Variants in MUC6 observed in about 807,000 individuals in gnomAD.
The protein encoded by MUC6 is mucin 6, oligomeric mucus/gel-forming (gene/pseudogene).
MUC6 carries 188 observed loss-of-function variants against 201.5 expected under a neutral mutation model. The observed-to-expected ratio is 0.93, with a 90% CI of 0.83 to 1.05. MUC6 has a LOEUF of 1.05. Among genes scored for constraint, MUC6 ranks in the 50% least tolerant of loss-of-function variants. The pLI, the probability that MUC6 is intolerant of heterozygous loss-of-function variation, is 0.00. For missense variants in MUC6, 2,706 were observed against 3,256.9 expected (o/e 0.83, Z 4.12); for synonymous variants, 1,228 against 1,389.4 (o/e 0.88, Z 2.58).
At position 1,018,764 on chromosome 11, in the gene MUC6, G is replaced by C; in HGVS notation, c.4037C>G (p.Ser1346Trp). Reference protein sequence around the residue: ...TSGTSPTLPKSTNQELPGTTA... With the variant: ...TSGTSPTLPKWTNQELPGTTA... ...TGTTCCTGGCAGTTCCTGATTGGTC[G>C]ATTTTGCTGTGGGAATTGGTGAAGT... The change falls in exon 31 of 33, where the codon TCG (serine) becomes TGG (tryptophan). Residue 1346 changes from serine (S) to tryptophan (W), a missense_variant. Physicochemically the swap from Ser to Trp is radical, Grantham distance 177. This residue lies in a region of MUC6 where 1,850 missense variants were observed against 1,958.3 expected (regional missense o/e 0.94). Coordinates refer to ENST00000421673, the MANE Select transcript of MUC6 (RefSeq NM_005961.3). 6.4e-7 allele frequency: 1 copy of C among 1,559,524 alleles called. No homozygotes were observed. Among genetic ancestry groups the C allele is most frequent in the Non-Finnish European group, 8.6e-7 (1 of 1,157,214 alleles).
chr11:1,021,371 T>TG, intron 26 of MUC6, 94 bp from the exon 27 acceptor site: 1 of 388,320 alleles, frequency 2.6e-6, no homozygotes, highest in Middle Eastern at 4.6e-4. Flanking sequence ...CTCTCTGCTT[T>TG]TTTTTTTTTT....
chr11:1,032,255 C>T (rs1464393083), intron 2 of MUC6, among the ~76,000 whole-genome samples: 4 of 152,180 alleles, frequency 2.6e-5, no homozygotes, highest in Admixed American at 1.3e-4. Context: ...GGCATGTGCA[C>T]ACACGTGTGT....
At chr11:1,026,594 C>A in intron 19 of MUC6, 116 bp from the exon 20 acceptor site, 2 of 1,253,488 alleles carry the variant, frequency 1.6e-6, no homozygotes, top group East Asian at 2.6e-5. Context: ...CTGAATACAG[C>A]CCTGCTCTGT....
At position 1,028,354 on chromosome 11, in the gene MUC6, T is replaced by C; in HGVS notation, c.1625A>G (p.Asp542Gly). The change falls in exon 14 of 33, where the codon GAT becomes GGT. Residue 542 changes from aspartate to glycine, a missense_variant. This residue lies in a region of MUC6 where 1,850 missense variants were observed against 1,958.3 expected (regional missense o/e 0.94). Transcript: ENST00000421673. ...GATACCCATGCTAGTGGTGAAGTCA[T>C]CCGTTGTGTCCCCGTTGAAGTTGCC... ...LCGNFNGDTT[D>G]DFTTSMGIAE... The C allele has an allele frequency of 6.2e-7, 1 of 1,612,650 alleles. No homozygotes were observed. The highest frequency in any genetic ancestry group is 8.5e-7 in the Non-Finnish European group (1 of 1,179,836).
chr11:1,028,815 G>A (rs1857028496), intron 12 of MUC6, 32 bp from the exon 13 acceptor site: 1 of 1,609,084 alleles, frequency 6.2e-7, no homozygotes, highest in Non-Finnish European at 8.5e-7. Flanking sequence ...GGGCCGTCTG[G>A]GCTCCCTCCC....
At chr11:1,030,424 C>T (rs1857074638) in intron 7 of MUC6, 89 bp from the exon 8 acceptor site, 1 of 1,448,164 alleles carries the variant, frequency 6.9e-7, no homozygotes, top group Non-Finnish European at 9.3e-7. Flanking sequence ...TTAGCCCAGC[C>T]CTTCCTCCAT....
Position 1,031,526 on chromosome 11 carries a change from A to G in MUC6, c.483+81T>C, listed in dbSNP as rs367799551. 15 of 1,514,792 alleles carry G rather than the reference A, an allele frequency of 9.9e-6. No homozygotes were observed. The African/African-American group carries it at 2.1e-4, about 21-fold the overall frequency. The allele number at this position is 1,514,792 out of a possible 1,614,324, so 93.8% of individuals were successfully genotyped here. A position where few individuals can be genotyped will look rare whatever the true frequency, so the allele number is the denominator to read the frequency against. ...AGCCTGAGGGCTGGCTGGGACCCCCAAGGAGGGCAGCCCCTCCCAAGTCCC... is the reference window on the plus strand; with the variant it reads ...AGCCTGAGGGCTGGCTGGGACCCCCGAGGAGGGCAGCCCCTCCCAAGTCCC... On this transcript the variant is annotated intron_variant, in intron 4 of 32. Coordinates refer to ENST00000421673, the MANE Select transcript of MUC6 (RefSeq NM_005961.3).
chr11:1,016,071 T>C lies in MUC6; in HGVS notation c.6730A>G (p.Ser2244Gly), dbSNP rs761166287. The C allele has an allele frequency of 4.6e-5, 74 of 1,612,426 alleles. No individual in the cohort carries two copies. In the Middle Eastern group the frequency reaches 6.6e-4, roughly 14 times the overall value. ...SPTPSSHLAS[S>G]TIAFPSTPRT... ...GGCGTGGACGGAAATGCAATGGTGC[T>C]GGAGGCTAGGTGGCTGGATGGGGTG... Residue 2244 changes from serine (S) to glycine (G), a missense_variant, in exon 31 of 33, where the codon AGC becomes GGC. By Grantham distance (56) the Ser-to-Gly change is moderately conservative (BLOSUM62 0). Around this residue, in one of 10 missense-constraint regions of MUC6, gnomAD observed 586 missense variants for 488.0 expected, o/e 1.20. Transcript: ENST00000421673.
intron 5 of MUC6, 54 bp from the exon 6 acceptor site, chr11:1,031,110 CT>C (rs1406787562): frequency 7.0e-7 from 1 of 1,431,188 alleles, no homozygotes; most frequent in Non-Finnish European, 9.3e-7. Flanking sequence ...AGAGGCCCCC[CT>C]GCCCTGCCCC....
intron 3 of MUC6, 35 bp downstream of exon 3, chr11:1,031,778 C>T (rs1857111052): frequency 1.3e-6 from 2 of 1,556,344 alleles, no homozygotes; most frequent in African/African-American, 2.7e-5. Flanking sequence ...GTCCTCCGGC[C>T]CCCGAGCCCC....
intron 13 of MUC6, 115 bp downstream of exon 13, chr11:1,028,531 G>A: frequency 1.3e-6 from 2 of 1,534,764 alleles, no homozygotes; most frequent in Non-Finnish European, 1.8e-6. Flanking sequence ...ACCCCTGGGG[G>A]CTCCCCGGAC....
At position 1,031,329 on chromosome 11, in the gene MUC6, T is replaced by G; in HGVS notation, c.484-70A>C. On this transcript the variant is annotated intron_variant, in intron 4 of 32. Transcript: ENST00000421673. ...CTCATCTGCTGTGGAGGGCTCTCAGTTCCTGCTCCTGGACCCAGAGCCCCC... is the reference window on the plus strand; with the variant it reads ...CTCATCTGCTGTGGAGGGCTCTCAGGTCCTGCTCCTGGACCCAGAGCCCCC... 3.5e-6 allele frequency: 5 copies of G among 1,409,518 alleles called. No homozygotes were observed. The South Asian group carries it at 6.5e-5, about 18-fold the overall frequency. 87.3% of individuals were successfully genotyped at this position (1,409,518 alleles called of 1,614,324 possible).
chr11:1,030,893 C>T lies in MUC6; in HGVS notation c.684+54G>A, dbSNP rs978039495. ...GCTGCTTGTGGGGGCCCTTGGTGGT[C>T]TCGGCGACCCTGTCAGACCTGGGGT... is the stretch of plus-strand genomic sequence containing the variant. On this transcript the variant is annotated intron_variant, in intron 6 of 32. Coordinates refer to ENST00000421673, the MANE Select transcript of MUC6 (RefSeq NM_005961.3). The T allele has an allele frequency of 1.3e-4, 207 of 1,536,226 alleles. No individual in the cohort carries two copies. The East Asian group carries it at 4.9e-3, about 37-fold the overall frequency.
intron 20 of MUC6, 23 bp from the exon 21 acceptor site, chr11:1,026,164 TG>T (rs1159710939): frequency 7.0e-6 from 11 of 1,580,008 alleles, no homozygotes; most frequent in Non-Finnish European, 9.4e-6. Flanking sequence ...CAGGTGTGGG[TG>T]GTGGGCCTGC....
At chr11:1,018,959 G>GC (rs969204879) in intron 30 of MUC6, among the ~76,000 whole-genome samples, 189 bp from the exon 31 acceptor site, 21 of 152,074 alleles carry the variant, frequency 1.4e-4, no homozygotes, top group Admixed American at 1.3e-3. Flanking sequence ...TCCACATCCT[G>GC]CCCTGAGCTG....
Position 1,026,041 on chromosome 11 carries a change from G to A in MUC6, c.2647C>T (p.Arg883Cys), listed in dbSNP as rs546528830. 6 of 1,590,766 alleles carry A rather than the reference G, an allele frequency of 3.8e-6. No homozygotes were observed. The highest frequency in any genetic ancestry group is 1.3e-5 in the African/African-American group (1 of 74,622). The change falls in exon 21 of 33, where the codon CGC (arginine) becomes TGC (cysteine). Residue 883 changes from arginine to cysteine, a missense_variant. Transcript: ENST00000421673. ...TCGCAGTTGCCGTCGAATACGAAGC[G>A]CTGGCCGTCGAAGGTGATGACGTGG... ...EGHVITFDGQ[R>C]FVFDGNCEYI...
chr11:1,013,739 C>A, intron 32 of MUC6, 106 bp from the exon 33 acceptor site: 1 of 1,422,002 alleles, frequency 7.0e-7, no homozygotes, highest in Non-Finnish European at 9.6e-7. Flanking sequence ...CCCCGCTGAG[C>A]TCCCGGCTCA....
At chr11:1,026,886 C>T (rs766000073) in intron 19 of MUC6, 55 bp downstream of exon 19, 137 of 1,463,296 alleles carry the variant, frequency 9.4e-5, no homozygotes, top group South Asian at 1.8e-4. Flanking sequence ...TGGAAACCCC[C>T]TCATGGTTCA....
chr11:1,030,754 G>A lies in MUC6; in HGVS notation c.711C>T (p.Thr237=). 7 of 1,539,926 alleles carry A rather than the reference G, an allele frequency of 4.5e-6. No homozygotes were observed. The highest frequency in any genetic ancestry group is 6.1e-6 in the Non-Finnish European group (7 of 1,147,456). ...ACACGCTGCACTCAGGGGCCACCAG[G>A]GTCAGCAGCTGGGTGCAGATCCGGG... ...QHARICTQLL[T]LVAPECSVSK... is the part of the protein sequence containing the mutation. Residue 237 remains threonine (T), a synonymous_variant, in exon 7 of 33, where the codon ACC becomes ACT. Transcript: ENST00000421673.
Sources: allele counts gnomAD v4.1 joint callset (sites outside exome capture counted in the v4.1 genomes callset), GRCh38; gene constraint gnomAD v4.1.1; regional missense constraint gnomAD v4.1.1; transcripts MANE v1.5; gene names NCBI Gene and HGNC (gene_info 2026-07-23, HGNC 2026-07-21).